Variants in SF3B3 observed in about 807,000 individuals in gnomAD.
SF3B3 encodes the protein splicing factor 3b subunit 3.
In SF3B3, 33 loss-of-function variants were observed where a neutral mutation model predicts 139.2. The observed-to-expected ratio is 0.24, with a 90% CI of 0.18 to 0.32. The LOEUF (loss-of-function observed/expected upper bound fraction) is 0.32. Ranked by LOEUF, SF3B3 falls within the 10% of genes least tolerant of loss-of-function variation. The pLI is 1.00. For missense variants in SF3B3, 818 were observed against 1,509.4 expected, an observed-to-expected ratio of 0.54 and a Z score of 7.59; for synonymous variants, 596 against 563.6, an observed-to-expected ratio of 1.06 and a Z score of -0.81.
At chr16:70,543,751 G>A (rs118139969) in intron 9 of SF3B3, among the ~76,000 whole-genome samples, 3 of 152,154 alleles carry the variant, frequency 2.0e-5, no homozygotes, top group East Asian at 3.9e-4. Context: ...GTTAAAGTGT[G>A]TATAGCAGGG....
rs771381978 is a variant in SF3B3 at position 70,572,190 on chromosome 16, G to T, written c.*377G>T. On this transcript the variant is annotated 3_prime_UTR_variant, in exon 26 of 26. Coordinates refer to ENST00000302516, the MANE Select transcript of SF3B3 (RefSeq NM_012426.5). The stretch of plus-strand genomic sequence containing the variant: ...TACAGTTTTGTACAATGTTATCTCT[G>T]TGGGAGGAAGGAGGCAGGCTGTGGT... The T allele has an allele frequency of 2.2e-6, 1 of 458,566 alleles. No individual in the cohort carries two copies. The highest frequency in any genetic ancestry group is 6.8e-5 in the East Asian group (1 of 14,798). 28.4% of individuals were successfully genotyped at this position (458,566 alleles called of 1,614,324 possible).
chr16:70,538,864 G>A lies in SF3B3; in HGVS notation c.964-240G>A, dbSNP rs539779120. 7.5e-4 allele frequency among the ~76,000 whole-genome samples: 114 copies of A among 152,298 alleles called. 1 individual carries two copies. Among genetic ancestry groups the A allele is most frequent in the African/African-American group, 2.6e-3 (109 of 41,560 alleles). ...AACATTTTTTTGTAAAGGCCACATA[G>A]TAAATACTTGCAGCTTTTGTGAGCT... On this transcript the variant is annotated intron_variant, in intron 7 of 25. Transcript: ENST00000302516.
chr16:70,529,827 T>A (rs1270167714), intron 3 of SF3B3, among the ~76,000 whole-genome samples: 2 of 152,020 alleles, frequency 1.3e-5, no homozygotes, highest in Non-Finnish European at 2.9e-5. Context: ...GGTGGCTATT[T>A]ATCTTTAAAA....
In SF3B3 at chr16:70,523,888, T is replaced by C. The variant is rs1470970180; in HGVS notation, c.-111T>C. ...TGGTGGCTTAAGTTTTGAAGGGAGG[T>C]AGCATCCGTTGGATATCCACACCAT... is the stretch of plus-strand genomic sequence containing the variant. On this transcript the variant is annotated 5_prime_UTR_variant, in exon 1 of 26. Transcript: ENST00000302516. 5 of 488,264 alleles carry C rather than the reference T, an allele frequency of 1.0e-5. No individual in the cohort carries two copies. Among genetic ancestry groups the C allele is most frequent in the East Asian group, 3.3e-5 (1 of 30,758 alleles). The allele number at this position is 488,264 out of a possible 1,614,324, so 30.2% of individuals were successfully genotyped here.
At position 70,575,669 on chromosome 16, in the gene SF3B3, AG is replaced by A. The variant is rs2050573565; in HGVS notation, c.*3858del. ...TAACCAGGCAGTCTCTGTCGCTGTG[AG>A]GTTGGTGGTGAGGTGAGTCTGCCAG... is the stretch of plus-strand genomic sequence containing the variant. On this transcript the variant is annotated 3_prime_UTR_variant, in exon 26 of 26. Coordinates refer to ENST00000302516, the MANE Select transcript of SF3B3 (RefSeq NM_012426.5). The A allele has an allele frequency of 6.6e-6, 1 of 152,274 alleles. No individual in the cohort carries two copies. Among genetic ancestry groups the A allele is most frequent in the South Asian group, 2.1e-4 (1 of 4,828 alleles). The allele number at this position is 152,274 out of a possible 1,614,324, so 9.4% of individuals were successfully genotyped here.
chr16:70,532,369 A>AAAAAAAAAT, intron 4 of SF3B3, 110 bp from the exon 5 acceptor site: 1 of 880,804 alleles, frequency 1.1e-6, no homozygotes, highest in Non-Finnish European at 1.7e-6. Context: ...AAAAAAAAAG[A>AAAAAAAAAT]AGACATTTGT....
intron 4 of SF3B3, among the ~76,000 whole-genome samples, 183 bp from the exon 5 acceptor site, chr16:70,532,296 A>T (rs2050128716): frequency 6.9e-6 from 1 of 144,798 alleles, no homozygotes; most frequent in Non-Finnish European, 1.5e-5. Context: ...GTCTCAAAAA[A>T]AAAAAAAGAT....
intron 8 of SF3B3, among the ~76,000 whole-genome samples, chr16:70,540,548 G>A (rs1212620476): frequency 2.6e-5 from 4 of 151,988 alleles, no homozygotes; most frequent in Admixed American, 2.0e-4. Flanking sequence ...CAAGGTGCAT[G>A]CCTGGCTAAT....
chr16:70,552,554 A>G (rs891244893), intron 11 of SF3B3, among the ~76,000 whole-genome samples: 1 of 152,204 alleles, frequency 6.6e-6, no homozygotes, highest in African/African-American at 2.4e-5. Flanking sequence ...AAAGCATTTG[A>G]TATATGTTGA....
chr16:70,523,884 G>T lies in SF3B3; in HGVS notation c.-115G>T. The T allele has an allele frequency of 2.0e-6, 1 of 490,986 alleles. No individual in the cohort carries two copies. The highest frequency in any genetic ancestry group is 3.6e-6 in the Non-Finnish European group (1 of 279,828). 30.4% of individuals were successfully genotyped at this position (490,986 alleles called of 1,614,324 possible). A position where few individuals can be genotyped will look rare whatever the true frequency, so the allele number is the denominator to read the frequency against. On this transcript the variant is annotated 5_prime_UTR_variant, in exon 1 of 26. Coordinates refer to ENST00000302516, the MANE Select transcript of SF3B3 (RefSeq NM_012426.5). The stretch of plus-strand genomic sequence containing the variant: ...TTGGTGGTGGCTTAAGTTTTGAAGG[G>T]AGGTAGCATCCGTTGGATATCCACA...
At chr16:70,539,498 A>T (rs923178126) in intron 8 of SF3B3, among the ~76,000 whole-genome samples, 3 of 152,092 alleles carry the variant, frequency 2.0e-5, no homozygotes, top group African/African-American at 7.2e-5. Context: ...CAGTGAGCTG[A>T]GATCACGCCA....
At chr16:70,554,143 G>GT (rs2050357702) in intron 11 of SF3B3, 1 of 218,622 alleles carries the variant, frequency 4.6e-6, no homozygotes, top group African/African-American at 2.3e-5. Context: ...GTATGTTCAT[G>GT]TATCAATATT....
chr16:70,555,088 A>G lies in SF3B3; in HGVS notation c.1592A>G (p.Lys531Arg), dbSNP rs1276065166. 3.1e-6 allele frequency: 5 copies of G among 1,614,126 alleles called. No homozygotes were observed. Among genetic ancestry groups the G allele is most frequent in the Non-Finnish European group, 4.2e-6 (5 of 1,179,956 alleles). The change falls in exon 13 of 26, where the codon AAG becomes AGG. Residue 531 changes from lysine (K) to arginine (R), a missense_variant. Physicochemically the swap from Lys to Arg is conservative, Grantham distance 26. Transcript: ENST00000302516. ...GGCATTCGGCACATACGAGCAGACAAGAGAGTCAATGAGTGGAAGACCCCT... is the reference window on the plus strand; with the variant it reads ...GGCATTCGGCACATACGAGCAGACAGGAGAGTCAATGAGTGGAAGACCCCT... ...PDGIRHIRADKRVNEWKTPGK... is the reference protein window; with the variant it reads ...PDGIRHIRADRRVNEWKTPGK...
At chr16:70,552,500 T>C (rs1042982526) in intron 11 of SF3B3, among the ~76,000 whole-genome samples, 1 of 152,226 alleles carries the variant, frequency 6.6e-6, no homozygotes, top group Non-Finnish European at 1.5e-5. Context: ...TTTATGATAG[T>C]GAGTAGTGCT....
At chr16:70,547,348 C>T (rs543396886) in intron 10 of SF3B3, among the ~76,000 whole-genome samples, 8 of 152,102 alleles carry the variant, frequency 5.3e-5, no homozygotes, top group South Asian at 2.1e-4. Flanking sequence ...TAAAAACATT[C>T]AATAATTTTA....
At chr16:70,556,101 C>T (rs538784191) in intron 13 of SF3B3, 78 bp from the exon 14 acceptor site, 2 of 1,441,474 alleles carry the variant, frequency 1.4e-6, no homozygotes, top group South Asian at 2.4e-5. Flanking sequence ...TTCTCTGGAT[C>T]CAGGGTTTTG....
chr16:70,554,202 T>C (rs2050358155), intron 11 of SF3B3: 1 of 384,658 alleles, frequency 2.6e-6, no homozygotes, highest in African/African-American at 2.1e-5. Context: ...CTTTGTCCTC[T>C]CACTTCTTTA....
intron 22 of SF3B3, 146 bp from the exon 23 acceptor site, chr16:70,568,897 A>AG: frequency 1.7e-6 from 1 of 588,758 alleles, no homozygotes; most frequent in South Asian, 2.3e-5. Context: ...TGCCCACCAG[A>AG]GCAGGTGCAG....
chr16:70,537,844 C>T (rs568479314), intron 6 of SF3B3, among the ~76,000 whole-genome samples: 4 of 152,216 alleles, frequency 2.6e-5, no homozygotes, highest in Middle Eastern at 3.4e-3. Context: ...GAGGCTGAGG[C>T]GGGAGGATCC....
Sources: allele counts gnomAD v4.1 joint callset (sites outside exome capture counted in the v4.1 genomes callset), GRCh38; gene constraint gnomAD v4.1.1; transcripts MANE v1.5; gene names NCBI Gene and HGNC (gene_info 2026-07-23, HGNC 2026-07-21).